SUMF1: variants seen among roughly 807,000 people sequenced by gnomAD.
SUMF1 encodes the protein formylglycine-generating enzyme.
In SUMF1, 48 loss-of-function variants were observed where a neutral mutation model predicts 47.6. The ratio of observed to expected loss-of-function variants is 1.01; its 90% CI spans 0.80 to 1.28. SUMF1 has a LOEUF of 1.28. Among genes scored for constraint, SUMF1 ranks in the 50% most tolerant of loss-of-function variants. The pLI is 0.00. For missense variants in SUMF1, 571 were observed against 485.4 expected (o/e 1.18, Z -1.66); for synonymous variants, 230 against 192.1 (o/e 1.20, Z -1.63).
chr3:4,352,746 A>AG (rs1424809118), intron 8 of SUMF1, among the ~76,000 whole-genome samples: 1 of 151,946 alleles, frequency 6.6e-6, no homozygotes, highest in Non-Finnish European at 1.5e-5. Flanking sequence ...AAAAAAAAAA[A>AG]AAAAAAAAGG....
chr3:4,071,987 T>C (rs1383414589), intron 8 of SUMF1, among the ~76,000 whole-genome samples: 1 of 152,182 alleles, frequency 6.6e-6, no homozygotes, highest in Non-Finnish European at 1.5e-5. Context: ...GACCCCTGTG[T>C]ACCTGACTGA....
intron 8 of SUMF1, among the ~76,000 whole-genome samples, chr3:4,145,189 T>C (rs1429750530): frequency 3.1e-5 from 3 of 95,764 alleles, no homozygotes; most frequent in Admixed American, 2.5e-4. Context: ...TGAAACTCCG[T>C]CTAAAAAAAA....
intron 8 of SUMF1, among the ~76,000 whole-genome samples, chr3:4,251,142 C>G (rs1403713492): frequency 6.6e-6 from 1 of 152,068 alleles, no homozygotes; most frequent in African/African-American, 2.4e-5. Flanking sequence ...GCATGGAAGT[C>G]AAAATATCAG....
chr3:4,132,778 A>T lies in SUMF1; in HGVS notation c.1015-64033T>A, dbSNP rs371363466. On this transcript the variant is annotated intron_variant and NMD_transcript_variant, in intron 8 of 12. Coordinates refer to the SUMF1 transcript ENST00000448413. The stretch of plus-strand genomic sequence containing the variant: ...GTTACAGTGTTGGCTGTGGTGACTG[A>T]CACAGACTATCAAGAAGAAATCAGT... 9.2e-5 allele frequency among the ~76,000 whole-genome samples: 14 copies of T among 152,264 alleles called. 3 individuals are homozygous for T. The highest frequency in any genetic ancestry group is 6.5e-5 in the Admixed American group (1 of 15,282).
chr3:4,259,232 G>C (rs756845161), intron 8 of SUMF1, among the ~76,000 whole-genome samples: 2 of 151,898 alleles, frequency 1.3e-5, no homozygotes, highest in African/African-American at 4.8e-5. Context: ...CCTGCACAAT[G>C]TGCACATGTA....
chr3:4,256,008 A>C (rs1696943930), intron 8 of SUMF1, among the ~76,000 whole-genome samples: 1 of 150,296 alleles, frequency 6.7e-6, no homozygotes, highest in South Asian at 2.1e-4. Context: ...CCTGCTCCTG[A>C]ATGACTACTG....
chr3:4,281,030 G>C (rs1012331754), intron 8 of SUMF1, among the ~76,000 whole-genome samples: 1 of 152,058 alleles, frequency 6.6e-6, no homozygotes, highest in African/African-American at 2.4e-5. Context: ...ATCTTTGAGT[G>C]GGGTAACAGT....
At chr3:4,100,320 T>C (rs902634551) in intron 8 of SUMF1, among the ~76,000 whole-genome samples, 5 of 151,898 alleles carry the variant, frequency 3.3e-5, no homozygotes, top group Admixed American at 1.3e-4. Flanking sequence ...CAAAATGGCA[T>C]AGGACTGGCA....
intron 8 of SUMF1, among the ~76,000 whole-genome samples, chr3:4,242,316 A>G (rs1419672707): frequency 1.3e-5 from 2 of 152,118 alleles, no homozygotes; most frequent in African/African-American, 4.8e-5. Context: ...TATTAAGTTG[A>G]ATAGGAGTGG....
chr3:4,411,690 G>A (rs577132058), intron 6 of SUMF1, among the ~76,000 whole-genome samples: 2 of 147,346 alleles, frequency 1.4e-5, no homozygotes, highest in African/African-American at 2.5e-5. Flanking sequence ...TTTATAAAAG[G>A]GGGGAGAGCA....
At chr3:4,262,633 C>G (rs1484937300) in intron 8 of SUMF1, among the ~76,000 whole-genome samples, 1 of 152,122 alleles carries the variant, frequency 6.6e-6, no homozygotes, top group East Asian at 1.9e-4. Context: ...GCTTTACATT[C>G]TATTTTCTCA....
At chr3:4,054,438 T>C (rs1299910370) in intron 9 of SUMF1, among the ~76,000 whole-genome samples, 1 of 152,164 alleles carries the variant, frequency 6.6e-6, no homozygotes, top group Non-Finnish European at 1.5e-5. Flanking sequence ...ATCCACCACC[T>C]TGTCAAATTA....
intron 6 of SUMF1, among the ~76,000 whole-genome samples, chr3:4,411,351 A>G (rs1375444779): frequency 6.6e-6 from 1 of 152,150 alleles, no homozygotes. Context: ...ATTGGACCCA[A>G]TATGAGTCTT....
At chr3:4,265,869 C>T (rs535432194) in intron 8 of SUMF1, among the ~76,000 whole-genome samples, 279 of 152,162 alleles carry the variant, frequency 1.8e-3, no homozygotes, top group Middle Eastern at 0.01. Context: ...TTAGGTCTAA[C>T]GTTTAAATCT....
chr3:4,412,607 G>T (rs1230218640), intron 6 of SUMF1, among the ~76,000 whole-genome samples: 1 of 152,212 alleles, frequency 6.6e-6, no homozygotes. Context: ...AAACAGGCCA[G>T]GTGCCGTGGC....
chr3:4,375,192 T>G (rs1700289796), intron 8 of SUMF1, among the ~76,000 whole-genome samples: 1 of 150,732 alleles, frequency 6.6e-6, no homozygotes, highest in Non-Finnish European at 1.5e-5. Context: ...CTACATCTTA[T>G]TACCAATGTA....
chr3:4,290,441 T>C (rs1697717150), intron 8 of SUMF1, among the ~76,000 whole-genome samples: 1 of 152,210 alleles, frequency 6.6e-6, no homozygotes, highest in African/African-American at 2.4e-5. Flanking sequence ...TGTAATTAAA[T>C]GGACAAAAGG....
chr3:4,061,303 A>G (rs1041607859), intron 9 of SUMF1, among the ~76,000 whole-genome samples: 1 of 152,126 alleles, frequency 6.6e-6, no homozygotes, highest in Non-Finnish European at 1.5e-5. Context: ...AAAACCAACC[A>G]TCAGGACTCC....
intron 8 of SUMF1, among the ~76,000 whole-genome samples, chr3:4,226,950 T>A (rs6775365): frequency 2.0e-5 from 3 of 151,862 alleles, no homozygotes; most frequent in Non-Finnish European, 2.9e-5. Context: ...AAAACACAGA[T>A]TTCTGGGTCC....
Sources: gnomAD v4.1 joint callset for allele counts (sites outside exome capture counted in the v4.1 genomes callset) on GRCh38, gnomAD v4.1.1 for gene constraint, MANE v1.5 for transcripts, NCBI Gene and HGNC (gene_info 2026-07-23, HGNC 2026-07-21) for gene names.